NRXN1: variants seen among roughly 807,000 people sequenced by gnomAD.
The protein encoded by NRXN1 is neurexin 1, also known as neurexin-1.
NRXN1 carries 39 observed loss-of-function variants against 150.9 expected under a neutral mutation model. The ratio of observed to expected loss-of-function variants is 0.26; its 90% CI spans 0.20 to 0.34. The LOEUF is 0.34. Ranked by LOEUF, NRXN1 falls within the 10% of genes least tolerant of loss-of-function variation. The pLI is 1.00. For missense variants in NRXN1, 1,815 were observed against 1,949.9 expected, an observed-to-expected ratio of 0.93 and a Z score of 1.30; for synonymous variants, 924 against 757.0, an observed-to-expected ratio of 1.22 and a Z score of -3.62.
chr2:51,000,423 C>T (rs1028028893), intron 2 of NRXN1, among the ~76,000 whole-genome samples: 2 of 151,904 alleles, frequency 1.3e-5, no homozygotes, highest in Non-Finnish European at 2.9e-5. Context: ...CTATACAAGG[C>T]TCTATCCTCA....
intron 18 of NRXN1, among the ~76,000 whole-genome samples, chr2:50,229,703 T>C (rs1357608273): frequency 1.3e-5 from 2 of 152,114 alleles, no homozygotes; most frequent in African/African-American, 4.8e-5. Context: ...TTTAAGCTTC[T>C]AAATTATGGA....
At chr2:50,185,415 T>A (rs987649209) in intron 18 of NRXN1, 1 of 152,016 alleles carries the variant, frequency 6.6e-6, no homozygotes, top group Non-Finnish European at 1.5e-5. Context: ...AGAGAAAATA[T>A]GATGTAGTCA....
chr2:50,956,183 AT>A (rs1692255012), intron 2 of NRXN1, among the ~76,000 whole-genome samples: 1 of 152,204 alleles, frequency 6.6e-6, no homozygotes, highest in African/African-American at 2.4e-5. Context: ...TCACATTCAC[AT>A]AATTTTTATT....
intron 17 of NRXN1, among the ~76,000 whole-genome samples, chr2:50,330,735 C>G (rs527977937): frequency 3.4e-4 from 52 of 152,286 alleles, no homozygotes; most frequent in African/African-American, 1.3e-3. Flanking sequence ...TTCAGTTTCT[C>G]AGAGGTTGTT....
At chr2:50,505,948 C>G (rs2092199360) in intron 13 of NRXN1, among the ~76,000 whole-genome samples, 1 of 152,114 alleles carries the variant, frequency 6.6e-6, no homozygotes, top group Non-Finnish European at 1.5e-5. Flanking sequence ...CTGCATACAG[C>G]TCACCTCAGG....
intron 8 of NRXN1, among the ~76,000 whole-genome samples, chr2:50,603,380 T>G (rs1676590889): frequency 6.6e-6 from 1 of 152,118 alleles, no homozygotes; most frequent in African/African-American, 2.4e-5. Context: ...AGAGGCAGAC[T>G]TTTACATCTT....
chr2:49,942,293 G>C (rs1163400982), intron 22 of NRXN1, among the ~76,000 whole-genome samples: 1 of 152,150 alleles, frequency 6.6e-6, no homozygotes, highest in East Asian at 1.9e-4. Context: ...GTTGCGAGGT[G>C]ACTGCCGAGC....
At chr2:50,525,651 G>A (rs967413518) in intron 12 of NRXN1, among the ~76,000 whole-genome samples, 7 of 152,188 alleles carry the variant, frequency 4.6e-5, no homozygotes, top group African/African-American at 1.7e-4. Context: ...TCTGTAATCT[G>A]CAAGATCAAA....
intron 2 of NRXN1, among the ~76,000 whole-genome samples, chr2:50,993,597 C>T (rs1174444431): frequency 6.6e-6 from 1 of 151,910 alleles, no homozygotes; most frequent in Non-Finnish European, 1.5e-5. Context: ...GTCAGCCCCA[C>T]TTTAAAAGTT....
intron 18 of NRXN1, among the ~76,000 whole-genome samples, chr2:50,117,774 GAA>G (rs59049470): frequency 1.5e-5 from 2 of 133,242 alleles, no homozygotes; most frequent in Non-Finnish European, 1.6e-5. Context: ...CAGGCTGTCA[GAA>G]AAAAAAAAAA....
At chr2:49,991,313 T>C (rs540556184) in intron 21 of NRXN1, among the ~76,000 whole-genome samples, 1 of 152,148 alleles carries the variant, frequency 6.6e-6, no homozygotes, top group East Asian at 1.9e-4. Flanking sequence ...GGTGACACAA[T>C]TGTGTATGCA....
At chr2:50,663,327 G>C (rs1445919833) in intron 5 of NRXN1, among the ~76,000 whole-genome samples, 1 of 151,884 alleles carries the variant, frequency 6.6e-6, no homozygotes, top group Non-Finnish European at 1.5e-5. Flanking sequence ...GAGGATTCTT[G>C]GTTCTTCTGG....
intron 5 of NRXN1, among the ~76,000 whole-genome samples, chr2:50,736,475 A>G (rs1405302863): frequency 6.6e-5 from 10 of 151,972 alleles, no homozygotes; most frequent in Non-Finnish European, 1.3e-4. Flanking sequence ...CTGTGTCCCC[A>G]CCCAAATCTT....
intron 21 of NRXN1, among the ~76,000 whole-genome samples, chr2:49,946,642 C>A (rs1359538159): frequency 6.6e-6 from 1 of 152,128 alleles, no homozygotes; most frequent in Non-Finnish European, 1.5e-5. Context: ...AATAGGGAAT[C>A]CTTTCCTCAT....
intron 18 of NRXN1, among the ~76,000 whole-genome samples, chr2:50,212,489 C>A (rs568397186): frequency 7.9e-5 from 12 of 151,490 alleles, no homozygotes; most frequent in African/African-American, 2.9e-4. Context: ...CTCTTCTATA[C>A]ACAGCCTCCA....
chr2:50,676,994 C>T (rs916796756), intron 5 of NRXN1, among the ~76,000 whole-genome samples: 1 of 152,098 alleles, frequency 6.6e-6, no homozygotes, highest in African/African-American at 2.4e-5. Context: ...AGTATATGGG[C>T]ATTCACAGAT....
intron 18 of NRXN1, among the ~76,000 whole-genome samples, chr2:50,218,713 T>G (rs1463338441): frequency 3.9e-5 from 6 of 151,922 alleles, no homozygotes; most frequent in Non-Finnish European, 8.8e-5. Context: ...CTTTAGTCTT[T>G]GATTAGGGGT....
At chr2:50,155,296 G>C (rs1358694760) in intron 18 of NRXN1, among the ~76,000 whole-genome samples, 2 of 151,528 alleles carry the variant, frequency 1.3e-5, no homozygotes, top group African/African-American at 2.4e-5. Context: ...CAAGTCTATA[G>C]AGTAGTGTGG....
At chr2:50,956,173 T>C (rs576814179) in intron 2 of NRXN1, among the ~76,000 whole-genome samples, 3 of 152,152 alleles carry the variant, frequency 2.0e-5, no homozygotes, top group Non-Finnish European at 4.4e-5. Context: ...GAGAGAGAGA[T>C]CACATTCACA....
Sources: allele counts gnomAD v4.1 joint callset (sites outside exome capture counted in the v4.1 genomes callset), GRCh38; gene constraint gnomAD v4.1.1; transcripts MANE v1.5; gene names NCBI Gene and HGNC (gene_info 2026-07-23, HGNC 2026-07-21).